The following CAPN8 variants were observed in gnomAD, a reference collection of about 807,000 sequenced individuals.
CAPN8 encodes calpain-8.
A neutral mutation model predicts 80.9 loss-of-function variants in CAPN8; 87 were observed. The observed-to-expected ratio is 1.07, with a 90% CI of 0.90 to 1.28. The LOEUF (loss-of-function observed/expected upper bound fraction) is 1.28, where lower values mean the gene tolerates loss of function less well. Among genes scored for constraint, CAPN8 ranks in the 50% most tolerant of loss-of-function variants. The pLI, the probability that CAPN8 is intolerant of heterozygous loss-of-function variation, is 0.00. For missense variants in CAPN8, 757 were observed against 702.0 expected, an observed-to-expected ratio of 1.08 and a Z score of -0.89; for synonymous variants, 299 against 273.8, an observed-to-expected ratio of 1.09 and a Z score of -0.91.
chr1:223,546,814 T>C (rs1035976407), intron 16 of CAPN8, among the ~76,000 whole-genome samples: 3 of 152,202 alleles, frequency 2.0e-5, no homozygotes, highest in Non-Finnish European at 2.9e-5. Context: ...CAATTCCAGA[T>C]AAAATTGCTT....
intron 14 of CAPN8, among the ~76,000 whole-genome samples, chr1:223,552,180 ATG>A (rs1198313332): frequency 6.6e-6 from 1 of 152,192 alleles, no homozygotes; most frequent in Non-Finnish European, 1.5e-5. Flanking sequence ...TCTACTGGAA[ATG>A]AGAGAGGCAA....
intron 14 of CAPN8, among the ~76,000 whole-genome samples, chr1:223,552,166 C>A (rs1481648733): frequency 6.6e-6 from 1 of 152,180 alleles, no homozygotes; most frequent in African/African-American, 2.4e-5. Flanking sequence ...CAGGCCCTGG[C>A]AATTCTACTG....
At chr1:223,557,789 A>G (rs1356674854) in intron 13 of CAPN8, among the ~76,000 whole-genome samples, 11 of 152,192 alleles carry the variant, frequency 7.2e-5, no homozygotes, top group African/African-American at 2.4e-4. Context: ...CTGGAGGTCA[A>G]TCCAAGAGCA....
At chr1:223,549,175 C>T (rs1239594508) in intron 16 of CAPN8, 143 bp downstream of exon 16, 41 of 1,081,884 alleles carry the variant, frequency 3.8e-5, no homozygotes, top group Non-Finnish European at 4.8e-5. Context: ...GCTTCAAGTA[C>T]AATCCTTGAC....
At chr1:223,649,130 A>G (rs1658272148) in intron 2 of CAPN8, among the ~76,000 whole-genome samples, 1 of 152,262 alleles carries the variant, frequency 6.6e-6, no homozygotes, top group African/African-American at 2.4e-5. Flanking sequence ...AGCAAGCATC[A>G]AATTTCATTT....
At chr1:223,656,103 T>C (rs1410501628) in intron 1 of CAPN8, among the ~76,000 whole-genome samples, 2 of 151,566 alleles carry the variant, frequency 1.3e-5, no homozygotes. Context: ...CCATAGCCTC[T>C]ATAAGGTGCT....
intron 2 of CAPN8, among the ~76,000 whole-genome samples, chr1:223,640,962 C>A (rs1223680564): frequency 6.6e-6 from 1 of 152,118 alleles, no homozygotes; most frequent in East Asian, 1.9e-4. Context: ...TGGAGATCTG[C>A]TTCAGTACCA....
chr1:223,661,268 T>C (rs550372150), intron 1 of CAPN8, among the ~76,000 whole-genome samples: 1 of 152,124 alleles, frequency 6.6e-6, no homozygotes, highest in African/African-American at 2.4e-5. Flanking sequence ...ATCACTGATC[T>C]TTGGGGAAAT....
In CAPN8 at chr1:223,615,978, C is replaced by T. The variant is rs147604672; in HGVS notation, c.1303G>A (p.Val435Ile). 3,581 of 1,552,222 alleles carry T rather than the reference C, an allele frequency of 2.3e-3. 58 individuals are homozygous for T. The African/African-American group carries it at 0.038, about 17-fold the overall frequency. The change falls in exon 10 of 21, where the codon GTC becomes ATC. Residue 435 changes from valine (V) to isoleucine (I), a missense_variant. Physicochemically the swap from Val to Ile is conservative, Grantham distance 29 (BLOSUM62 3). Transcript: ENST00000366872. ...ACCCAGCACAGCAGTACCTGGTAGA[C>T]GGCATAGCCGATGCTAAGCATGCCT... is the stretch of plus-strand genomic sequence containing the variant. Reference protein sequence around the residue: ...GQGMLSIGYAVYQVPKELESH... With the variant: ...GQGMLSIGYAIYQVPKELESH...
chr1:223,654,424 C>A, intron 1 of CAPN8, 25 bp from the exon 2 acceptor site: 1 of 1,549,596 alleles, frequency 6.5e-7, no homozygotes, highest in South Asian at 1.2e-5. Flanking sequence ...GAACAAAACA[C>A]AAGTCACAAG....
chr1:223,622,286 G>A (rs1017630864), intron 7 of CAPN8, among the ~76,000 whole-genome samples: 7 of 152,170 alleles, frequency 4.6e-5, no homozygotes, highest in African/African-American at 1.4e-4. Flanking sequence ...CAGCAGAGAG[G>A]CCTGCCCAAG....
intron 2 of CAPN8, among the ~76,000 whole-genome samples, chr1:223,629,553 G>A (rs1270018118): frequency 6.6e-6 from 1 of 152,194 alleles, no homozygotes; most frequent in Non-Finnish European, 1.5e-5. Context: ...TCCCTGGGAG[G>A]CATCGTTGTC....
At position 223,627,069 on chromosome 1, in the gene CAPN8, G is replaced by C; in HGVS notation, c.649C>G (p.Leu217Val). ...TATAGATTGGCTGGTGGTTTCTTCA[G>C]GTCATAAAACTCAGAGATGCCACCT... ...FTGGISEFYD[L>V]KKPPANLYQI... Residue 217 changes from leucine to valine, a missense_variant, in exon 5 of 21, where the codon CTG (leucine) becomes GTG (valine). Physicochemically the swap from Leu to Val is conservative, Grantham distance 32. Transcript: ENST00000366872. 1.9e-6 allele frequency: 3 copies of C among 1,552,006 alleles called. No individual in the cohort carries two copies. The highest frequency in any genetic ancestry group is 2.6e-6 in the Non-Finnish European group (3 of 1,147,062).
intron 13 of CAPN8, among the ~76,000 whole-genome samples, chr1:223,557,301 C>T (rs1656926461): frequency 4.2e-4 from 2 of 4,772 alleles, no homozygotes. Context: ...TGTGTGTCTG[C>T]CCCCACCTCC....
chr1:223,656,183 A>G (rs910957847), intron 1 of CAPN8, among the ~76,000 whole-genome samples: 1 of 151,884 alleles, frequency 6.6e-6, no homozygotes, highest in Non-Finnish European at 1.5e-5. Context: ...ATTAAAAAAA[A>G]TTTTGCTGGG....
At chr1:223,549,199 C>G in intron 16 of CAPN8, 119 bp downstream of exon 16, 2 of 1,308,346 alleles carry the variant, frequency 1.5e-6, no homozygotes, top group Non-Finnish European at 2.1e-6. Context: ...TGCTCCATGC[C>G]TGCTCTCTCC....
At chr1:223,615,738 A>T in intron 10 of CAPN8, 1 of 653,568 alleles carries the variant, frequency 1.5e-6, no homozygotes, top group Non-Finnish European at 2.8e-6. Context: ...GGCAAAGGTT[A>T]ATGTATCACA....
chr1:223,544,813 G>A lies in CAPN8; in HGVS notation c.1871C>T (p.Thr624Ile). The stretch of plus-strand genomic sequence containing the variant: ...TGTCCTCATCTCGTGGGCATCGATG[G>A]TGCCCGAGTGGTTATAATCAGTTTC... ...YWETDYNHSGTIDAHEMRTAL... is the reference protein window; with the variant it reads ...YWETDYNHSGIIDAHEMRTAL... The change falls in exon 18 of 21, where the codon ACC becomes ATC. Residue 624 changes from threonine to isoleucine, a missense_variant. Coordinates refer to ENST00000366872, the MANE Select transcript of CAPN8 (RefSeq NM_001143962.2). The A allele has an allele frequency of 6.4e-7, 1 of 1,551,672 alleles. No homozygotes were observed. Among genetic ancestry groups the A allele is most frequent in the Non-Finnish European group, 8.7e-7 (1 of 1,147,000 alleles).
At chr1:223,657,080 G>A (rs889123411) in intron 1 of CAPN8, among the ~76,000 whole-genome samples, 1 of 152,106 alleles carries the variant, frequency 6.6e-6, no homozygotes, top group South Asian at 2.1e-4. Context: ...TATTTAGCTC[G>A]TTTATTTTCT....
Sources: gnomAD v4.1 joint callset for allele counts (sites outside exome capture counted in the v4.1 genomes callset) on GRCh38, gnomAD v4.1.1 for gene constraint, MANE v1.5 for transcripts, NCBI Gene and HGNC (gene_info 2026-07-23, HGNC 2026-07-21) for gene names.